The following MIPOL1 variants were observed in gnomAD, a reference collection of about 807,000 sequenced individuals.
MIPOL1 encodes the protein mirror-image polydactyly gene 1 protein.
Under a neutral mutation model 60.9 loss-of-function variants are expected in MIPOL1, and 57 were observed. The ratio of observed to expected loss-of-function variants is 0.94; its 90% CI spans 0.76 to 1.17. MIPOL1 has a LOEUF of 1.17. MIPOL1 is among the 50% of genes most tolerant of loss of function. MIPOL1 has a pLI of 0.00. For missense variants in MIPOL1, 551 were observed against 511.6 expected, an observed-to-expected ratio of 1.08 and a Z score of -0.74; for synonymous variants, 179 against 168.8, an observed-to-expected ratio of 1.06 and a Z score of -0.47.
chr14:37,468,019 G>C (rs577111708), intron 11 of MIPOL1, among the ~76,000 whole-genome samples: 1 of 147,764 alleles, frequency 6.8e-6, no homozygotes, highest in Admixed American at 6.9e-5. Flanking sequence ...ATGCCACTGC[G>C]CTCCAGCCTG....
At chr14:37,359,333 A>G (rs1275528617) in intron 9 of MIPOL1, among the ~76,000 whole-genome samples, 5 of 152,282 alleles carry the variant, frequency 3.3e-5, no homozygotes, top group South Asian at 2.1e-4. Flanking sequence ...TTTTGGTTCC[A>G]TATGAACTTT....
chr14:37,227,322 G>A (rs147620708), intron 1 of MIPOL1, among the ~76,000 whole-genome samples: 4 of 152,246 alleles, frequency 2.6e-5, no homozygotes, highest in African/African-American at 9.6e-5. Flanking sequence ...ACACTGTATA[G>A]TCTATTCATG....
At chr14:37,316,652 T>C (rs2153441684) in intron 9 of MIPOL1, among the ~76,000 whole-genome samples, 1 of 151,174 alleles carries the variant, frequency 6.6e-6, no homozygotes, top group East Asian at 2.0e-4. Context: ...GGTTGTTGTA[T>C]TGATAAAAAT....
In MIPOL1 at chr14:37,244,679, G is replaced by A. The variant is rs529029781; in HGVS notation, c.-198-2424G>A. The stretch of plus-strand genomic sequence containing the variant: ...AATCTTTATATGTTTTGTCTTTAAT[G>A]TAATGTTAGCATTTGGATTAAGAAA... On this transcript the variant is annotated intron_variant, in intron 1 of 12. Transcript: ENST00000684589. 7.2e-5 allele frequency among the ~76,000 whole-genome samples: 11 copies of A among 151,916 alleles called. No individual in the cohort carries two copies. In the South Asian group the frequency reaches 2.3e-3, roughly 31 times the overall value.
intron 12 of MIPOL1, among the ~76,000 whole-genome samples, chr14:37,511,443 G>A (rs2095327228): frequency 6.6e-6 from 1 of 152,172 alleles, no homozygotes; most frequent in African/African-American, 2.4e-5. Context: ...GAGCAGCTAA[G>A]AGCACAGGAA....
intron 3 of MIPOL1, among the ~76,000 whole-genome samples, chr14:37,254,020 T>C (rs565169366): frequency 3.0e-4 from 45 of 151,774 alleles, no homozygotes; most frequent in Non-Finnish European, 4.7e-4. Flanking sequence ...CTTATCTCCA[T>C]AGGACCTAGC....
intron 12 of MIPOL1, among the ~76,000 whole-genome samples, chr14:37,530,481 A>T (rs12881012): frequency 0.77 from 117,287 of 152,134 alleles, 45,727 homozygotes; most frequent in African/African-American, 0.89. Flanking sequence ...GAGAATTTCT[A>T]TGGAATGATA....
intron 7 of MIPOL1, among the ~76,000 whole-genome samples, chr14:37,287,087 C>G (rs1594912629): frequency 6.6e-6 from 1 of 152,000 alleles, no homozygotes; most frequent in Admixed American, 6.6e-5. Context: ...ACAAATTACC[C>G]AAAGTCTTTA....
intron 9 of MIPOL1, among the ~76,000 whole-genome samples, chr14:37,334,629 G>C (rs528147366): frequency 6.6e-6 from 1 of 151,848 alleles, no homozygotes; most frequent in Non-Finnish European, 1.5e-5. Flanking sequence ...AACCCCAAAA[G>C]AACCCCTGTA....
chr14:37,250,414 G>T (rs1973896746), intron 3 of MIPOL1, among the ~76,000 whole-genome samples: 1 of 152,060 alleles, frequency 6.6e-6, no homozygotes, highest in East Asian at 1.9e-4. Flanking sequence ...TGGGTGTTTT[G>T]GGCACACCTG....
intron 10 of MIPOL1, among the ~76,000 whole-genome samples, chr14:37,370,200 T>C (rs1369046060): frequency 6.6e-6 from 1 of 152,218 alleles, no homozygotes; most frequent in East Asian, 1.9e-4. Flanking sequence ...TGTCTCATTG[T>C]ATTATAGATC....
Position 37,410,102 on chromosome 14 carries a change from G to A in MIPOL1, c.937-12753G>A, listed in dbSNP as rs564384497. ...AACATGAAGGAATTCTAAACATCTA[G>A]CATTCTAACATAAAATTATAAAAGT... On this transcript the variant is annotated intron_variant, in intron 10 of 12. Transcript: ENST00000684589. Among the ~76,000 whole-genome samples the A allele has an allele frequency of 9.9e-5, 15 of 152,198 alleles. No homozygotes were observed. In the East Asian group the frequency reaches 2.5e-3, roughly 25 times the overall value.
In MIPOL1 at chr14:37,256,425, G is replaced by A. The variant is rs111264898; in HGVS notation, c.19+8518G>A. ...CCTTTCCATGAATTATTATAAAAGT[G>A]GAAAGAAGTTATAATTTGAAAGAAT... is the stretch of plus-strand genomic sequence containing the variant. On this transcript the variant is annotated intron_variant, in intron 3 of 12. Coordinates refer to ENST00000684589, the MANE Select transcript of MIPOL1 (RefSeq NM_001388067.1). 5.3e-3 allele frequency among the ~76,000 whole-genome samples: 807 copies of A among 151,914 alleles called. 9 individuals are homozygous for A. The highest frequency in any genetic ancestry group is 0.017 in the African/African-American group (719 of 41,522).
intron 10 of MIPOL1, among the ~76,000 whole-genome samples, chr14:37,414,760 G>A (rs1595673923): frequency 1.3e-5 from 2 of 152,080 alleles, no homozygotes; most frequent in Non-Finnish European, 2.9e-5. Context: ...GGCAGAAACC[G>A]AATCCAAGTA....
At position 37,418,453 on chromosome 14, in the gene MIPOL1, A is replaced by G. The variant is rs551325191; in HGVS notation, c.937-4402A>G. Among the ~76,000 whole-genome samples the G allele has an allele frequency of 3.3e-4, 50 of 152,300 alleles. No homozygotes were observed. In the South Asian group the frequency reaches 9.7e-3, roughly 30 times the overall value. The stretch of plus-strand genomic sequence containing the variant: ...CCTTAGTTAACCAACCCATTTTTCA[A>G]TCACGTAAGGTATAATAAAATACAC... On this transcript the variant is annotated intron_variant, in intron 10 of 12. Coordinates refer to ENST00000684589, the MANE Select transcript of MIPOL1 (RefSeq NM_001388067.1).
At chr14:37,456,554 C>A (rs1466571268) in intron 11 of MIPOL1, among the ~76,000 whole-genome samples, 1 of 152,106 alleles carries the variant, frequency 6.6e-6, no homozygotes. Flanking sequence ...TCCACTATTT[C>A]AATCCCAAGC....
At chr14:37,308,776 AACTT>A (rs2087012379) in intron 9 of MIPOL1, among the ~76,000 whole-genome samples, 1 of 152,100 alleles carries the variant, frequency 6.6e-6, no homozygotes, top group African/African-American at 2.4e-5. Flanking sequence ...ATTACAGACT[AACTT>A]GTTATAGAAA....
chr14:37,236,382 C>T (rs943469132), intron 1 of MIPOL1, among the ~76,000 whole-genome samples: 5 of 151,988 alleles, frequency 3.3e-5, no homozygotes, highest in Non-Finnish European at 5.9e-5. Context: ...ATCAAGCCCC[C>T]CTCCCACTTT....
At chr14:37,440,979 T>C (rs1595786118) in intron 11 of MIPOL1, among the ~76,000 whole-genome samples, 1 of 152,190 alleles carries the variant, frequency 6.6e-6, no homozygotes, top group South Asian at 2.1e-4. Context: ...GGATGTCTCA[T>C]TGAAATTTTA....
Sources: allele counts gnomAD v4.1 joint callset (sites outside exome capture counted in the v4.1 genomes callset), GRCh38; gene constraint gnomAD v4.1.1; transcripts MANE v1.5; gene names NCBI Gene and HGNC (gene_info 2026-07-23, HGNC 2026-07-21).